PTPRD: variants seen among roughly 807,000 people sequenced by gnomAD.
PTPRD encodes receptor-type tyrosine-protein phosphatase delta.
PTPRD carries 34 observed loss-of-function variants against 214.5 expected under a neutral mutation model. The ratio of observed to expected loss-of-function variants is 0.16; its 90% CI spans 0.12 to 0.21. The LOEUF (loss-of-function observed/expected upper bound fraction) is 0.21. Among genes scored for constraint, PTPRD ranks in the 10% least tolerant of loss-of-function variants. The probability of loss-of-function intolerance (pLI) is 1.00; values close to 1 mark genes in which losing one functional copy is unlikely to be tolerated. For synonymous variants in PTPRD, 1,128 were observed against 845.7 expected (o/e 1.33, Z -5.79); for missense variants, 2,545 against 2,398.7 (o/e 1.06, Z -1.27).
Position 9,754,569 on chromosome 9 carries a change from A to C in PTPRD, c.-326+12241T>G, listed in dbSNP as rs190954966. On this transcript the variant is annotated intron_variant, in intron 6 of 45. Coordinates refer to ENST00000381196, the MANE Select transcript of PTPRD (RefSeq NM_002839.4). The stretch of plus-strand genomic sequence containing the variant: ...TCTTTGAGACATTTTATTAACAAAC[A>C]AACTATATATATTACACAATATTAT... 1.8e-4 allele frequency among the ~76,000 whole-genome samples: 28 copies of C among 152,200 alleles called. No individual in the cohort carries two copies. The East Asian group carries it at 4.8e-3, about 26-fold the overall frequency.
chr9:9,788,383 C>G (rs1361291743), intron 5 of PTPRD, among the ~76,000 whole-genome samples: 1 of 150,990 alleles, frequency 6.6e-6, no homozygotes, highest in African/African-American at 2.4e-5. Context: ...AACCCCGTCC[C>G]TACTAAAAAT....
At chr9:10,149,734 T>C (rs901707531) in intron 3 of PTPRD, among the ~76,000 whole-genome samples, 1 of 138,282 alleles carries the variant, frequency 7.2e-6, no homozygotes, top group African/African-American at 2.9e-5. Flanking sequence ...TTTTTTTTTC[T>C]TTTTTTTTTT....
chr9:9,289,103 T>A (rs1470340053), intron 9 of PTPRD, among the ~76,000 whole-genome samples: 1 of 151,850 alleles, frequency 6.6e-6, no homozygotes, highest in African/African-American at 2.4e-5. Context: ...TAGAGTTTAC[T>A]GAAAAACACA....
chr9:9,715,069 G>C (rs149698979), intron 7 of PTPRD, among the ~76,000 whole-genome samples: 41 of 152,248 alleles, frequency 2.7e-4, no homozygotes, highest in African/African-American at 9.1e-4. Context: ...GAAGAAATTA[G>C]AAGACCTGGG....
At chr9:10,098,719 C>T (rs1017401014) in intron 3 of PTPRD, among the ~76,000 whole-genome samples, 2 of 151,620 alleles carry the variant, frequency 1.3e-5, no homozygotes, top group Non-Finnish European at 2.9e-5. Context: ...TAAATTCAAG[C>T]CTTTAGAATG....
At chr9:10,139,965 A>G (rs1213879624) in intron 3 of PTPRD, among the ~76,000 whole-genome samples, 2 of 152,110 alleles carry the variant, frequency 1.3e-5, no homozygotes, top group Admixed American at 1.3e-4. Flanking sequence ...TACTTTCTTG[A>G]TATCAGCCTT....
At chr9:10,351,909 C>A (rs1454088484) in intron 2 of PTPRD, among the ~76,000 whole-genome samples, 1 of 151,854 alleles carries the variant, frequency 6.6e-6, no homozygotes, top group Non-Finnish European at 1.5e-5. Context: ...TGTTAGCAAA[C>A]CTCCTTAGGA....
At chr9:9,426,158 C>G (rs546739125) in intron 8 of PTPRD, among the ~76,000 whole-genome samples, 2 of 152,280 alleles carry the variant, frequency 1.3e-5, no homozygotes, top group South Asian at 2.1e-4. Flanking sequence ...CCTTTCCTAG[C>G]CAAGGGAAGC....
chr9:9,842,887 A>G (rs545185511), intron 5 of PTPRD, among the ~76,000 whole-genome samples: 1 of 152,090 alleles, frequency 6.6e-6, no homozygotes, highest in Non-Finnish European at 1.5e-5. Flanking sequence ...AGTACTTGTG[A>G]TATTCTATAA....
intron 8 of PTPRD, among the ~76,000 whole-genome samples, chr9:9,484,377 G>C (rs904007049): frequency 6.6e-6 from 1 of 152,088 alleles, no homozygotes; most frequent in South Asian, 2.1e-4. Flanking sequence ...ATAGTAGTTA[G>C]TTCAGGAAAA....
At chr9:8,662,650 A>G (rs916901383) in intron 12 of PTPRD, among the ~76,000 whole-genome samples, 1 of 152,120 alleles carries the variant, frequency 6.6e-6, no homozygotes, top group South Asian at 2.1e-4. Flanking sequence ...AGACTCACCA[A>G]TTCACCATAG....
At chr9:8,502,223 T>A (rs1175909002) in intron 23 of PTPRD, among the ~76,000 whole-genome samples, 1 of 152,144 alleles carries the variant, frequency 6.6e-6, no homozygotes. Context: ...CTTAATAATA[T>A]TATGTTCCTA....
intron 5 of PTPRD, among the ~76,000 whole-genome samples, chr9:9,816,018 G>A (rs911210025): frequency 2.0e-5 from 3 of 152,078 alleles, no homozygotes; most frequent in African/African-American, 7.2e-5. Flanking sequence ...GGACATGCAG[G>A]TGTACTCAAG....
At chr9:9,855,596 G>C (rs993596514) in intron 5 of PTPRD, among the ~76,000 whole-genome samples, 1 of 152,144 alleles carries the variant, frequency 6.6e-6, no homozygotes. Flanking sequence ...TTGACGGAGG[G>C]AGCGCACAAG....
At chr9:9,227,209 C>G (rs995291745) in intron 9 of PTPRD, among the ~76,000 whole-genome samples, 5 of 152,148 alleles carry the variant, frequency 3.3e-5, no homozygotes, top group Non-Finnish European at 5.9e-5. Flanking sequence ...TCCTTACATA[C>G]TGGTGAAGCC....
At chr9:8,519,775 A>G (rs1171500088) in intron 20 of PTPRD, among the ~76,000 whole-genome samples, 2 of 152,050 alleles carry the variant, frequency 1.3e-5, no homozygotes, top group Non-Finnish European at 2.9e-5. Context: ...CTTATGTTTT[A>G]TTTGTTTATT....
At chr9:9,835,528 G>C (rs1054260848) in intron 5 of PTPRD, among the ~76,000 whole-genome samples, 34 of 152,086 alleles carry the variant, frequency 2.2e-4, no homozygotes, top group African/African-American at 8.2e-4. Context: ...TCCCAAATGA[G>C]AATTAAACTG....
intron 3 of PTPRD, among the ~76,000 whole-genome samples, chr9:10,182,422 C>G (rs2099302963): frequency 6.6e-6 from 1 of 151,952 alleles, no homozygotes; most frequent in African/African-American, 2.4e-5. Flanking sequence ...ATTAATGACT[C>G]TTCCACATTC....
chr9:10,584,104 G>T (rs975779045), intron 2 of PTPRD, among the ~76,000 whole-genome samples: 2 of 151,324 alleles, frequency 1.3e-5, no homozygotes, highest in African/African-American at 4.9e-5. Context: ...ATGCTTGTGT[G>T]TTGGCACTTG....
Sources: gnomAD v4.1 joint callset for allele counts (sites outside exome capture counted in the v4.1 genomes callset) on GRCh38, gnomAD v4.1.1 for gene constraint, MANE v1.5 for transcripts, NCBI Gene and HGNC (gene_info 2026-07-23, HGNC 2026-07-21) for gene names.